PRKRIP1: variants seen among roughly 807,000 people sequenced by gnomAD.
PRKRIP1 encodes the protein PRKR interacting protein 1.
Under a neutral mutation model 29.3 loss-of-function variants are expected in PRKRIP1, and 29 were observed. That is an observed-to-expected ratio of 0.99 (90% confidence interval 0.74 to 1.35). The LOEUF is 1.35. Ranked by LOEUF, PRKRIP1 falls within the 40% of genes most tolerant of loss-of-function variation. The pLI is 0.00. For synonymous variants in PRKRIP1, 90 were observed against 85.1 expected (o/e 1.06, Z -0.32); for missense variants, 247 against 236.8 (o/e 1.04, Z -0.28).
intron 5 of PRKRIP1, among the ~76,000 whole-genome samples, chr7:102,415,483 G>A (rs1474497805): frequency 6.6e-6 from 1 of 152,158 alleles, no homozygotes; most frequent in East Asian, 1.9e-4. Flanking sequence ...TGATTCACCC[G>A]CGTTGGCCTC....
intron 3 of PRKRIP1, among the ~76,000 whole-genome samples, chr7:102,403,038 C>T (rs1796114872): frequency 6.6e-6 from 1 of 152,002 alleles, no homozygotes; most frequent in African/African-American, 2.4e-5. Flanking sequence ...CCTGGCCTGG[C>T]TAATTTTTGT....
chr7:102,414,792 G>A (rs2133193350), intron 5 of PRKRIP1, among the ~76,000 whole-genome samples: 1 of 152,202 alleles, frequency 6.6e-6, no homozygotes, highest in South Asian at 2.1e-4. Context: ...GGCTGAGGCA[G>A]GAGGATCACC....
At position 102,396,423 on chromosome 7, in the gene PRKRIP1, A is replaced by G. The variant is rs1554570320; in HGVS notation, c.12A>G (p.Pro4=). 1.9e-6 allele frequency: 3 copies of G among 1,584,760 alleles called. No individual in the cohort carries two copies. Among genetic ancestry groups the G allele is most frequent in the Non-Finnish European group, 2.6e-6 (3 of 1,171,610 alleles). The change falls in exon 1 of 6, where the codon CCA becomes CCG. Residue 4 remains proline (P), a synonymous_variant. Coordinates refer to ENST00000397912, the MANE Select transcript of PRKRIP1 (RefSeq NM_024653.4). MAS[P]AASSVRPPRP... ...ACTGGAAGGCTGCCATGGCTAGCCC[A>G]GCCGCCTCCTCGGTGCGACCACCGA... is the stretch of plus-strand genomic sequence containing the variant.
At position 102,425,161 on chromosome 7, in the gene PRKRIP1, A is replaced by G; in HGVS notation, c.*50A>G. ...GGAACCTGGCTCGTGCTGTGACCAG[A>G]AGGGAAAGGCGGCTGTTTGGCTCTT... On this transcript the variant is annotated 3_prime_UTR_variant, in exon 6 of 6. Coordinates refer to ENST00000397912, the MANE Select transcript of PRKRIP1 (RefSeq NM_024653.4). 1.3e-6 allele frequency: 2 copies of G among 1,579,164 alleles called. No individual in the cohort carries two copies. Among genetic ancestry groups the G allele is most frequent in the Non-Finnish European group, 1.7e-6 (2 of 1,166,954 alleles).
intron 4 of PRKRIP1, chr7:102,405,942 G>A (rs1796206599): frequency 3.0e-6 from 1 of 337,054 alleles, no homozygotes; most frequent in Non-Finnish European, 5.9e-6. Flanking sequence ...CATCCCGCTG[G>A]TTGTGGAAGT....
intron 5 of PRKRIP1, among the ~76,000 whole-genome samples, chr7:102,411,889 C>T (rs911171760): frequency 1.3e-5 from 2 of 151,562 alleles, no homozygotes; most frequent in African/African-American, 2.4e-5. Flanking sequence ...TATTGATTTG[C>T]ATTTCCCTAA....
intron 5 of PRKRIP1, among the ~76,000 whole-genome samples, chr7:102,416,166 T>A (rs1313779579): frequency 3.3e-5 from 5 of 152,260 alleles, no homozygotes; most frequent in African/African-American, 1.2e-4. Flanking sequence ...CCCTGCCAGA[T>A]CAGATAAGGT....
intron 1 of PRKRIP1, 43 bp from the exon 2 acceptor site, chr7:102,397,577 C>A (rs782329149): frequency 1.3e-6 from 2 of 1,515,024 alleles, no homozygotes; most frequent in South Asian, 1.1e-5. Flanking sequence ...ATAATTTTGT[C>A]AACAGGTTTA....
At chr7:102,423,113 C>T (rs1554573972) in intron 5 of PRKRIP1, 2 of 442,124 alleles carry the variant, frequency 4.5e-6, no homozygotes, top group African/African-American at 4.3e-5. Flanking sequence ...AGATCAGACC[C>T]TATGCTCTTT....
At chr7:102,402,885 C>CT (rs797037806) in intron 3 of PRKRIP1, among the ~76,000 whole-genome samples, 3,579 of 147,374 alleles carry the variant, frequency 0.024, 131 homozygotes, top group African/African-American at 0.082. Context: ...CACGGCTCAG[C>CT]TTTTTTTTTT....
Position 102,425,690 on chromosome 7 carries a change from G to C in PRKRIP1, c.*579G>C, listed in dbSNP as rs1053323626. 2 of 192,644 alleles carry C rather than the reference G, an allele frequency of 1.0e-5. No homozygotes were observed. Among genetic ancestry groups the C allele is most frequent in the African/African-American group, 4.8e-5 (2 of 41,640 alleles). 11.9% of individuals were successfully genotyped at this position (192,644 alleles called of 1,614,324 possible). ...TGCTCTCGTGTTCTGGGAAGGCCTGGGTGTGTGCACAAGGAGGCCCGGGCC... is the reference window on the plus strand; with the variant it reads ...TGCTCTCGTGTTCTGGGAAGGCCTGCGTGTGTGCACAAGGAGGCCCGGGCC... On this transcript the variant is annotated 3_prime_UTR_variant, in exon 6 of 6. Transcript: ENST00000397912.
At chr7:102,404,798 A>G in intron 4 of PRKRIP1, 115 bp downstream of exon 4, 1 of 696,990 alleles carries the variant, frequency 1.4e-6, no homozygotes, top group Non-Finnish European at 2.4e-6. Flanking sequence ...TCATGAATGT[A>G]GAGCAATGAC....
rs782445135 is a variant in PRKRIP1 at position 102,407,461 on chromosome 7, G to A, written c.420G>A (p.Leu140=). Residue 140 remains leucine (L), a synonymous_variant, in exon 5 of 6, where the codon CTG becomes CTA. Coordinates refer to ENST00000397912, the MANE Select transcript of PRKRIP1 (RefSeq NM_024653.4). ...AGAAGTTAAAAGAGAAGAAATTACT[G>A]GCAAAGAAGATGAAACTTGAACAGA... ...KRQKLKEKKL[L]AKKMKLEQKK... The A allele has an allele frequency of 1.9e-6, 3 of 1,612,720 alleles. No homozygotes were observed. Among genetic ancestry groups the A allele is most frequent in the Non-Finnish European group, 2.5e-6 (3 of 1,178,748 alleles).
rs116647297 is a variant in PRKRIP1, at chr7:102,412,354, A to G, written c.457+4856A>G. Among the ~76,000 whole-genome samples the G allele has an allele frequency of 3.5e-3, 526 of 152,258 alleles. 7 individuals carry two copies. The highest frequency in any genetic ancestry group is 0.012 in the African/African-American group (508 of 41,556). ...AGGATCTCTTGAGCCCAGAAGTTTG[A>G]GACCAGCCTGGTCAACAAAATGAGA... On this transcript the variant is annotated intron_variant, in intron 5 of 5. Transcript: ENST00000397912.
chr7:102,409,547 G>C (rs1563617452), intron 5 of PRKRIP1, among the ~76,000 whole-genome samples: 1 of 152,064 alleles, frequency 6.6e-6, no homozygotes, highest in African/African-American at 2.4e-5. Context: ...AATCAGCCAG[G>C]CATGGTGGTG....
At chr7:102,402,410 C>G (rs1280212846) in intron 3 of PRKRIP1, among the ~76,000 whole-genome samples, 1 of 149,646 alleles carries the variant, frequency 6.7e-6, no homozygotes, top group Admixed American at 6.7e-5. Flanking sequence ...GTACTCTAGC[C>G]TGAGTTAGTG....
chr7:102,419,199 C>T (rs1018123164), intron 5 of PRKRIP1, among the ~76,000 whole-genome samples: 5 of 151,928 alleles, frequency 3.3e-5, no homozygotes, highest in Non-Finnish European at 5.9e-5. Context: ...AGATCACTTG[C>T]GGTCAGGCGT....
chr7:102,410,305 C>T (rs144832909), intron 5 of PRKRIP1, among the ~76,000 whole-genome samples: 103 of 152,272 alleles, frequency 6.8e-4, no homozygotes, highest in African/African-American at 2.3e-3. Flanking sequence ...TTGTGTCAAT[C>T]GTTACTGCTG....
At chr7:102,409,793 C>T (rs1201773599) in intron 5 of PRKRIP1, among the ~76,000 whole-genome samples, 1 of 152,024 alleles carries the variant, frequency 6.6e-6, no homozygotes, top group Non-Finnish European at 1.5e-5. Context: ...CACTGCACTG[C>T]AGCCTGGGTG....
Sources: allele counts gnomAD v4.1 joint callset (sites outside exome capture counted in the v4.1 genomes callset), GRCh38; gene constraint gnomAD v4.1.1; transcripts MANE v1.5; gene names NCBI Gene and HGNC (gene_info 2026-07-23, HGNC 2026-07-21).